Variants in CCDC181 observed in about 807,000 individuals in gnomAD.
CCDC181 encodes the protein coiled-coil domain-containing protein 181.
Under a neutral mutation model 58.7 loss-of-function variants are expected in CCDC181, and 35 were observed. The ratio of observed to expected loss-of-function variants is 0.60; its 90% confidence interval spans 0.46 to 0.79. The LOEUF is 0.79. Ranked by LOEUF, CCDC181 falls within the 30% of genes least tolerant of loss-of-function variation. The pLI, the probability that CCDC181 is intolerant of heterozygous loss-of-function variation, is 0.00. For synonymous variants in CCDC181, 183 were observed against 197.5 expected (o/e 0.93, Z 0.62); for missense variants, 517 against 583.9 (o/e 0.89, Z 1.18).
intron 2 of CCDC181, among the ~76,000 whole-genome samples, chr1:169,452,273 A>G (rs1367680851): frequency 6.6e-6 from 1 of 152,146 alleles, no homozygotes; most frequent in Non-Finnish European, 1.5e-5. Flanking sequence ...CCATAGGAAG[A>G]ACATGTTTCA....
At chr1:169,404,181 A>G (rs1225872963) in intron 4 of CCDC181, among the ~76,000 whole-genome samples, 1 of 152,168 alleles carries the variant, frequency 6.6e-6, no homozygotes, top group Non-Finnish European at 1.5e-5. Flanking sequence ...TAGCCTACCA[A>G]CCAAAAAAAG....
At chr1:169,429,991 A>T (rs1266940842), upstream of CCDC181, among the ~76,000 whole-genome samples, 1 of 152,168 alleles carries the variant, frequency 6.6e-6, no homozygotes, top group East Asian at 1.9e-4. Context: ...ATAAGGTGAG[A>T]GATGAGGATC....
At chr1:169,440,223 A>G (rs796318910) in intron 2 of CCDC181, among the ~76,000 whole-genome samples, 9 of 152,332 alleles carry the variant, frequency 5.9e-5, no homozygotes, top group African/African-American at 2.2e-4. Context: ...GTCAGCCCCC[A>G]GTCCAAGAGA....
At chr1:169,442,334 AC>A (rs1657253061) in intron 2 of CCDC181, among the ~76,000 whole-genome samples, 1 of 152,074 alleles carries the variant, frequency 6.6e-6, no homozygotes, top group South Asian at 2.1e-4. Flanking sequence ...TACTTCAACC[AC>A]CTAGAACCCA....
chr1:169,418,688 A>G, intron 4 of CCDC181: 1 of 348,454 alleles, frequency 2.9e-6, no homozygotes, highest in Non-Finnish European at 5.1e-6. Flanking sequence ...GTCTTAAGTG[A>G]GACCAGTCTC....
chr1:169,400,854 G>A (rs565232613), intron 4 of CCDC181, among the ~76,000 whole-genome samples: 10 of 152,242 alleles, frequency 6.6e-5, no homozygotes, highest in East Asian at 3.9e-4. Flanking sequence ...GTGGGGCATC[G>A]CCTCACCCAG....
rs145581337 is a variant in CCDC181 at position 169,421,664 on chromosome 1, A to T, written c.767T>A (p.Leu256Ter). Residue 256 changes from leucine to a stop codon, truncating the protein, a stop_gained, in exon 3 of 6, where the codon TTA (leucine) becomes TAA (stop). Transcript: ENST00000367806. LOFTEE classifies it high-confidence loss of function. ...NSTENDPQQL[L>*]PRSSNSSVSG... ...GACAGAGGAGTTGGAAGATCTGGGT[A>T]ACAACTGCTGAGGGTCATTTTCTGT... 7 of 1,614,014 alleles carry T rather than the reference A, an allele frequency of 4.3e-6. No individual in the cohort carries two copies. Among genetic ancestry groups the T allele is most frequent in the Admixed American group, 1.7e-5 (1 of 59,992 alleles).
intron 4 of CCDC181, among the ~76,000 whole-genome samples, chr1:169,404,833 T>C (rs1655560915): frequency 6.6e-6 from 1 of 152,136 alleles, no homozygotes. Context: ...GAGAAAGAAA[T>C]AAAGTGTATT....
intron 2 of CCDC181, among the ~76,000 whole-genome samples, chr1:169,458,181 TTTTTTTTGTTTTG>T (rs1192805456): frequency 7.1e-5 from 10 of 141,210 alleles, no homozygotes; most frequent in Middle Eastern, 3.5e-3. Flanking sequence ...TTTTGTTTTT[TTTTTTTTGTTTTG>T]TTTTTTTTGC....
intron 4 of CCDC181, among the ~76,000 whole-genome samples, chr1:169,401,309 C>T (rs1047415556): frequency 2.6e-5 from 4 of 152,164 alleles, no homozygotes; most frequent in African/African-American, 9.7e-5. Context: ...AGTGCTTTTC[C>T]CAGCACGGAG....
intron 4 of CCDC181, among the ~76,000 whole-genome samples, chr1:169,404,339 C>A (rs1278161579): frequency 2.0e-5 from 3 of 152,156 alleles, no homozygotes; most frequent in African/African-American, 7.2e-5. Context: ...ATACCAAAGC[C>A]TGGCAGAGAC....
At chr1:169,454,279 C>T (rs992725652) in intron 2 of CCDC181, 2 of 151,774 alleles carry the variant, frequency 1.3e-5, no homozygotes, top group African/African-American at 2.4e-5. Context: ...CTTATTATGC[C>T]ATGGAATAAA....
intron 1 of CCDC181, among the ~76,000 whole-genome samples, chr1:169,425,399 G>T (rs367685205): frequency 1.4e-4 from 22 of 152,022 alleles, no homozygotes; most frequent in African/African-American, 5.1e-4. Flanking sequence ...GATAATTATT[G>T]TTTTTTTCTA....
At chr1:169,447,323 G>A (rs1571516304) in intron 2 of CCDC181, among the ~76,000 whole-genome samples, 1 of 152,240 alleles carries the variant, frequency 6.6e-6, no homozygotes, top group South Asian at 2.1e-4. Flanking sequence ...ATGATGGCCA[G>A]ATTGGTCTCG....
intron 4 of CCDC181, among the ~76,000 whole-genome samples, chr1:169,403,418 C>T (rs1055206591): frequency 6.6e-6 from 1 of 152,254 alleles, no homozygotes; most frequent in African/African-American, 2.4e-5. Context: ...AAGTAAAGCA[C>T]TCCTCAGCAA....
intron 2 of CCDC181, among the ~76,000 whole-genome samples, chr1:169,445,785 A>G (rs886918756): frequency 2.6e-5 from 4 of 152,278 alleles, no homozygotes; most frequent in Middle Eastern, 3.4e-3. Flanking sequence ...TTGGAAGGTT[A>G]TTAATTAGTG....
intron 4 of CCDC181, among the ~76,000 whole-genome samples, chr1:169,403,140 A>G (rs1279371719): frequency 6.6e-6 from 1 of 152,242 alleles, no homozygotes; most frequent in East Asian, 1.9e-4. Flanking sequence ...CACCCAATAC[A>G]GGAGCACCCA....
chr1:169,419,958 TG>T (rs1338795148), intron 3 of CCDC181, among the ~76,000 whole-genome samples: 1 of 152,174 alleles, frequency 6.6e-6, no homozygotes, highest in Non-Finnish European at 1.5e-5. Context: ...CCTTAGTACT[TG>T]AAGACCATGC....
At chr1:169,414,909 A>G (rs1233189066) in intron 4 of CCDC181, among the ~76,000 whole-genome samples, 2 of 152,212 alleles carry the variant, frequency 1.3e-5, no homozygotes, top group Non-Finnish European at 2.9e-5. Flanking sequence ...TCAGAATACT[A>G]TTAGTTTGTG....
Sources: gnomAD v4.1 joint callset for allele counts (sites outside exome capture counted in the v4.1 genomes callset) on GRCh38, gnomAD v4.1.1 for gene constraint, MANE v1.5 for transcripts, NCBI Gene and HGNC (gene_info 2026-07-23, HGNC 2026-07-21) for gene names.